Variants in ZCCHC14 observed in about 807,000 individuals in gnomAD.
ZCCHC14 encodes zinc finger CCHC domain-containing protein 14.
In ZCCHC14, 16 loss-of-function variants were observed where a neutral mutation model predicts 85.0. The observed-to-expected ratio is 0.19, with a 90% CI of 0.13 to 0.29. The LOEUF (loss-of-function observed/expected upper bound fraction) is 0.29. ZCCHC14 is among the 10% of genes least tolerant of loss of function. ZCCHC14 has a pLI of 1.00. For missense variants in ZCCHC14, 1,303 were observed against 1,443.5 expected (o/e 0.90, Z 1.58); for synonymous variants, 775 against 630.7 (o/e 1.23, Z -3.43).
At position 87,483,241 on chromosome 16, in the gene ZCCHC14, T is replaced by C. The variant is rs1332770073; in HGVS notation, c.570+8428A>G. 3.6e-5 allele frequency among the ~76,000 whole-genome samples: 5 copies of C among 137,178 alleles called. No homozygotes were observed. In the East Asian group the frequency reaches 6.3e-4, roughly 17 times the overall value. 90.0% of individuals were successfully genotyped at this position (137,178 alleles called of 152,430 possible). A position where few individuals can be genotyped will look rare whatever the true frequency, so the allele number is the denominator to read the frequency against. Reference sequence around the variant, plus strand: ...GGGAGGCCGAGGTGGGTGGATCTCTTGAAGTCAGGAGCTTGAGACCAGCCT... The same window carrying C: ...GGGAGGCCGAGGTGGGTGGATCTCTCGAAGTCAGGAGCTTGAGACCAGCCT... On this transcript the variant is annotated intron_variant, in intron 1 of 12. Transcript: ENST00000671377.
At chr16:87,433,078 T>C (rs2150738169) in intron 3 of ZCCHC14, 50 bp downstream of exon 3, 1 of 1,584,976 alleles carries the variant, frequency 6.3e-7, no homozygotes, top group Non-Finnish European at 8.7e-7. Context: ...AGGGTAAGTG[T>C]TTTCTTCCTA....
chr16:87,449,105 G>A (rs1397569818), intron 2 of ZCCHC14, among the ~76,000 whole-genome samples: 1 of 152,156 alleles, frequency 6.6e-6, no homozygotes, highest in Admixed American at 6.6e-5. Flanking sequence ...CACGGAGCAT[G>A]GCCCAGCTGA....
At chr16:87,478,612 A>ATTT (rs35147493) in intron 1 of ZCCHC14, among the ~76,000 whole-genome samples, 2 of 146,210 alleles carry the variant, frequency 1.4e-5, no homozygotes, top group African/African-American at 2.5e-5. Context: ...AATTTTACTA[A>ATTT]TTTTTTTTTT....
At chr16:87,481,553 A>AG (rs1567544403) in intron 1 of ZCCHC14, among the ~76,000 whole-genome samples, 2 of 4,022 alleles carry the variant, frequency 5.0e-4, no homozygotes, top group Non-Finnish European at 1.0e-3. Context: ...GGGGGGGGGG[A>AG]AGGGTAAGCG....
intron 3 of ZCCHC14, among the ~76,000 whole-genome samples, chr16:87,428,055 CA>C (rs1385385925): frequency 6.6e-6 from 1 of 151,354 alleles, no homozygotes. Context: ...GACTTTATAT[CA>C]AAAAGGTTCC....
At chr16:87,450,339 C>T (rs1910637200) in intron 2 of ZCCHC14, among the ~76,000 whole-genome samples, 1 of 152,198 alleles carries the variant, frequency 6.6e-6, no homozygotes, top group African/African-American at 2.4e-5. Context: ...AGCATTACCT[C>T]TTGTAGCTGT....
chr16:87,488,141 G>T (rs180671134), intron 1 of ZCCHC14, among the ~76,000 whole-genome samples: 2 of 152,210 alleles, frequency 1.3e-5, no homozygotes, highest in East Asian at 1.9e-4. Flanking sequence ...TTTCAATAAA[G>T]CTGTTATTTT....
chr16:87,481,162 C>G (rs1293668636), intron 1 of ZCCHC14, among the ~76,000 whole-genome samples: 1 of 152,026 alleles, frequency 6.6e-6, no homozygotes. Flanking sequence ...CAGACCCAGG[C>G]CAGGAGACTG....
At chr16:87,488,982 A>G (rs1567547625) in intron 1 of ZCCHC14, among the ~76,000 whole-genome samples, 1 of 152,252 alleles carries the variant, frequency 6.6e-6, no homozygotes. Flanking sequence ...TCAAAATAAA[A>G]TACAACAGCT....
chr16:87,463,493 G>C (rs990128137), intron 1 of ZCCHC14, among the ~76,000 whole-genome samples: 1 of 152,224 alleles, frequency 6.6e-6, no homozygotes, highest in African/African-American at 2.4e-5. Flanking sequence ...GTTCTAAGAA[G>C]AGAAAGTGAG....
At chr16:87,478,999 G>A (rs1437193518) in intron 1 of ZCCHC14, among the ~76,000 whole-genome samples, 1 of 152,208 alleles carries the variant, frequency 6.6e-6, no homozygotes, top group Admixed American at 6.5e-5. Context: ...GGTGAGGGTT[G>A]TTCCTCTTCC....
At chr16:87,472,101 CTG>C (rs897791557) in intron 1 of ZCCHC14, 1 of 152,296 alleles carries the variant, frequency 6.6e-6, no homozygotes, top group African/African-American at 2.4e-5. Context: ...GTCAATAAAA[CTG>C]GGCTGGGGGT....
At position 87,485,617 on chromosome 16, in the gene ZCCHC14, T is replaced by C. The variant is rs142524695; in HGVS notation, c.570+6052A>G. ...AAAAAAAAAAAAAAAAGAAGAAGAA[T>C]CTTTTTCTAAAATCTAATCCCTCTA... On this transcript the variant is annotated intron_variant, in intron 1 of 12. Coordinates refer to ENST00000671377, the MANE Select transcript of ZCCHC14 (RefSeq NM_015144.3). 9.9e-3 allele frequency among the ~76,000 whole-genome samples: 1,419 copies of C among 143,766 alleles called. 32 individuals carry two copies. The highest frequency in any genetic ancestry group is 0.036 in the African/African-American group (1,350 of 37,914). The allele number at this position is 143,766 out of a possible 152,430, so 94.3% of individuals were successfully genotyped here.
rs1279349407 is a variant in ZCCHC14 at position 87,446,313 on chromosome 16, G to C, written c.695-13112C>G. Reference sequence around the variant, plus strand: ...AGCCTGGCCAACATGGCAAAACCTCGTCTCTACTAAAAATACAAAAATTAG... The same window carrying C: ...AGCCTGGCCAACATGGCAAAACCTCCTCTCTACTAAAAATACAAAAATTAG... On this transcript the variant is annotated intron_variant, in intron 2 of 12. Transcript: ENST00000671377. Among the ~76,000 whole-genome samples, 7 of 152,156 alleles carry C rather than the reference G, an allele frequency of 4.6e-5. No homozygotes were observed. In the South Asian group the frequency reaches 6.2e-4, roughly 14 times the overall value.
chr16:87,416,650 G>C (rs1908796229), intron 8 of ZCCHC14, among the ~76,000 whole-genome samples: 1 of 152,112 alleles, frequency 6.6e-6, no homozygotes, highest in African/African-American at 2.4e-5. Context: ...CAGCTATTCA[G>C]GAGGCTGAGG....
rs1908344884 is a variant in ZCCHC14 at position 87,409,594 on chromosome 16, CCTG to C, written c.*683_*685del. 1 of 152,510 alleles carries C rather than the reference CCTG, an allele frequency of 6.6e-6. No homozygotes were observed. Among genetic ancestry groups the C allele is most frequent in the Non-Finnish European group, 1.5e-5 (1 of 68,018 alleles). The allele number at this position is 152,510 out of a possible 1,614,324, so 9.4% of individuals were successfully genotyped here. On this transcript the variant is annotated 3_prime_UTR_variant, in exon 13 of 13. Coordinates refer to ENST00000671377, the MANE Select transcript of ZCCHC14 (RefSeq NM_015144.3). ...TTTATTTGCAGAAAAAAATTAAAAACCTGAAACTGCTACAAGTGCTTGGAGGAG... is the reference window on the plus strand; with the variant it reads ...TTTATTTGCAGAAAAAAATTAAAAACAAACTGCTACAAGTGCTTGGAGGAG...
intron 2 of ZCCHC14, among the ~76,000 whole-genome samples, chr16:87,450,568 CTTTT>C (rs896071309): frequency 8.0e-5 from 10 of 125,566 alleles, no homozygotes; most frequent in Non-Finnish European, 1.4e-4. Flanking sequence ...ATAATAGATT[CTTTT>C]TTTTTTTTTT....
chr16:87,475,978 C>A (rs893731252), intron 1 of ZCCHC14, among the ~76,000 whole-genome samples: 2 of 152,116 alleles, frequency 1.3e-5, no homozygotes, highest in African/African-American at 4.8e-5. Flanking sequence ...AAAGACAGTC[C>A]ATCTTAAAGC....
At chr16:87,418,557 G>A (rs963648042) in intron 7 of ZCCHC14, among the ~76,000 whole-genome samples, 1 of 152,220 alleles carries the variant, frequency 6.6e-6, no homozygotes. Flanking sequence ...CTATGCTTCT[G>A]GGAGCAGGTT....
Sources: allele counts gnomAD v4.1 joint callset (sites outside exome capture counted in the v4.1 genomes callset), GRCh38; gene constraint gnomAD v4.1.1; transcripts MANE v1.5; gene names NCBI Gene and HGNC (gene_info 2026-07-23, HGNC 2026-07-21).